Variants in NCALD observed in about 807,000 individuals in gnomAD.
NCALD encodes the protein neurocalcin delta, also known as neurocalcin-delta.
NCALD carries 10 observed loss-of-function variants against 18.6 expected under a neutral mutation model. The ratio of observed to expected loss-of-function variants is 0.54; its 90% CI spans 0.33 to 0.91. NCALD has a LOEUF of 0.91. Ranked by LOEUF, NCALD falls within the 40% of genes least tolerant of loss-of-function variation. NCALD has a pLI of 0.03. For synonymous variants in NCALD, 88 were observed against 87.4 expected, an observed-to-expected ratio of 1.01 and a Z score of -0.04; for missense variants, 184 against 247.6, an observed-to-expected ratio of 0.74 and a Z score of 1.72.
upstream of NCALD, chr8:101,790,995 C>T (rs1362246382): frequency 6.6e-6 from 1 of 152,254 alleles, no homozygotes; most frequent in East Asian, 1.9e-4. Context: ...GCCACAGACT[C>T]TGCCTCTAGC....
intron 2 of NCALD, among the ~76,000 whole-genome samples, chr8:101,933,299 G>T (rs978566894): frequency 6.6e-6 from 1 of 152,184 alleles, no homozygotes; most frequent in Non-Finnish European, 1.5e-5. Flanking sequence ...CAATGTTCCC[G>T]AGTCAGGAGC....
chr8:101,883,425 CT>C (rs143133841), intron 4 of NCALD, among the ~76,000 whole-genome samples: 3,235 of 152,284 alleles, frequency 0.021, 57 homozygotes, highest in African/African-American at 0.049. Flanking sequence ...GTGTTAGACT[CT>C]GTGAGTTTCA....
chr8:101,971,078 C>A (rs1820223239), intron 2 of NCALD, among the ~76,000 whole-genome samples: 1 of 152,126 alleles, frequency 6.6e-6, no homozygotes, highest in Non-Finnish European at 1.5e-5. Flanking sequence ...AGATGGCCCT[C>A]ATCAGAAGCC....
intron 4 of NCALD, among the ~76,000 whole-genome samples, chr8:101,807,337 G>A (rs1450129538): frequency 6.6e-6 from 1 of 152,030 alleles, no homozygotes; most frequent in African/African-American, 2.4e-5. Flanking sequence ...GTAAAGTACA[G>A]AATTGTAAAA....
intron 4 of NCALD, among the ~76,000 whole-genome samples, chr8:101,858,869 A>C (rs768359740): frequency 2.0e-5 from 3 of 152,310 alleles, no homozygotes; most frequent in Admixed American, 2.0e-4. Context: ...CAATCTCCAA[A>C]GAAAAACATG....
chr8:101,920,063 C>A (rs899269597), intron 2 of NCALD, among the ~76,000 whole-genome samples: 1 of 152,046 alleles, frequency 6.6e-6, no homozygotes, highest in Non-Finnish European at 1.5e-5. Flanking sequence ...TCAAGACCAG[C>A]CTGAACAACA....
intron 4 of NCALD, among the ~76,000 whole-genome samples, chr8:101,880,847 T>G (rs1348362062): frequency 6.6e-6 from 1 of 152,180 alleles, no homozygotes; most frequent in Non-Finnish European, 1.5e-5. Flanking sequence ...TCCTTCATTA[T>G]GGCTGGAATA....
chr8:101,849,448 T>C (rs1815003649), intron 4 of NCALD, among the ~76,000 whole-genome samples: 1 of 152,160 alleles, frequency 6.6e-6, no homozygotes. Flanking sequence ...AGATAAAAAT[T>C]ACATGTTGAT....
At chr8:101,851,200 TA>T (rs572085695) in intron 4 of NCALD, among the ~76,000 whole-genome samples, 209 of 152,228 alleles carry the variant, frequency 1.4e-3, no homozygotes, top group African/African-American at 4.9e-3. Flanking sequence ...AACTAGATTA[TA>T]AGACAAATCT....
intron 2 of NCALD, chr8:101,693,551 G>A (rs1470600037): frequency 1.3e-5 from 2 of 152,018 alleles, no homozygotes; most frequent in African/African-American, 2.4e-5. Context: ...TGGGGGAAAG[G>A]GGTGGGGCTG....
rs115559709 is a variant in NCALD at position 102,104,430 on chromosome 8, T to C, written c.-210+19807A>G. ...TAAAGACAAAACCATCCTGTGATTGTTTTTCTCAAAAAGTTGCAAATCCAA... is the reference window on the plus strand; with the variant it reads ...TAAAGACAAAACCATCCTGTGATTGCTTTTCTCAAAAAGTTGCAAATCCAA... On this transcript the variant is annotated intron_variant, in intron 1 of 6. Transcript: ENST00000311028. Among the ~76,000 whole-genome samples, 8 of 152,044 alleles carry C rather than the reference T, an allele frequency of 5.3e-5. 1 individual carries two copies. The East Asian group carries it at 1.5e-3, about 29-fold the overall frequency.
intron 4 of NCALD, among the ~76,000 whole-genome samples, chr8:101,866,235 T>A (rs1295358261): frequency 6.6e-6 from 1 of 152,216 alleles, no homozygotes; most frequent in Non-Finnish European, 1.5e-5. Flanking sequence ...TTCTTCTTCC[T>A]ACCTTCCCAA....
chr8:101,732,590 CTTTTTTTTTTTTTTTTTTT>C (rs576286368), intron 1 of NCALD, among the ~76,000 whole-genome samples: 7 of 53,678 alleles, frequency 1.3e-4, no homozygotes, highest in Admixed American at 1.2e-3. Context: ...TTTTTCTTTG[CTTTTTTTTTTTTTTTTTTT>C]TTTTTTTTTT....
At chr8:101,803,009 T>C (rs1305135207) in intron 4 of NCALD, among the ~76,000 whole-genome samples, 1 of 152,002 alleles carries the variant, frequency 6.6e-6, no homozygotes, top group Non-Finnish European at 1.5e-5. Context: ...GTGACTATAC[T>C]TCAAAACAGA....
At chr8:101,982,603 G>A (rs970320307) in intron 2 of NCALD, among the ~76,000 whole-genome samples, 8 of 152,154 alleles carry the variant, frequency 5.3e-5, no homozygotes, top group Admixed American at 3.3e-4. Flanking sequence ...CACTTTGAGA[G>A]GCCGAGGCTG....
chr8:101,841,456 C>T (rs754374556), intron 4 of NCALD, among the ~76,000 whole-genome samples: 9 of 152,286 alleles, frequency 5.9e-5, no homozygotes, highest in South Asian at 2.1e-4. Flanking sequence ...TCCTGTGTGT[C>T]GTAGCTTATT....
At chr8:101,988,892 G>A (rs1438046930) in intron 2 of NCALD, among the ~76,000 whole-genome samples, 1 of 126,462 alleles carries the variant, frequency 7.9e-6, no homozygotes, top group Non-Finnish European at 1.6e-5. Flanking sequence ...CTAGACAGCA[G>A]GTGCCAGCAG....
At position 102,058,089 on chromosome 8, in the gene NCALD, G is replaced by T. The variant is rs575873327; in HGVS notation, c.-209-37800C>A. On this transcript the variant is annotated intron_variant, in intron 1 of 6. Coordinates refer to the NCALD transcript ENST00000311028. Reference sequence around the variant, plus strand: ...TAGGAGACTTAAAACAGCCAGCAAGGTCTCCTTTTATGATATGTCATCTTT... The same window carrying T: ...TAGGAGACTTAAAACAGCCAGCAAGTTCTCCTTTTATGATATGTCATCTTT... Among the ~76,000 whole-genome samples, 7 of 152,248 alleles carry T rather than the reference G, an allele frequency of 4.6e-5. No homozygotes were observed. The East Asian group carries it at 7.7e-4, about 17-fold the overall frequency.
chr8:102,123,315 C>A (rs996410639), intron 1 of NCALD, among the ~76,000 whole-genome samples: 2 of 152,146 alleles, frequency 1.3e-5, no homozygotes, highest in Non-Finnish European at 2.9e-5. Context: ...GCGGGGCTAG[C>A]GTGTAAGCAC....
Sources: allele counts gnomAD v4.1 joint callset (sites outside exome capture counted in the v4.1 genomes callset), GRCh38; gene constraint gnomAD v4.1.1; transcripts MANE v1.5; gene names NCBI Gene and HGNC (gene_info 2026-07-23, HGNC 2026-07-21).